Variants in TSHZ2 observed in about 807,000 individuals in gnomAD.
TSHZ2 encodes the protein teashirt zinc finger homeobox 2, also known as teashirt homolog 2.
In TSHZ2, 21 loss-of-function variants were observed where a neutral mutation model predicts 74.4. The observed-to-expected ratio is 0.28, with a 90% CI of 0.20 to 0.41. The LOEUF (loss-of-function observed/expected upper bound fraction) is 0.41. Ranked by LOEUF, TSHZ2 falls within the 10% of genes least tolerant of loss-of-function variation. TSHZ2 has a pLI of 1.00. For synonymous variants in TSHZ2, 540 were observed against 515.3 expected (o/e 1.05, Z -0.65); for missense variants, 1,244 against 1,293.5 (o/e 0.96, Z 0.59).
chr20:53,408,623 G>A (rs1982932322), intron 2 of TSHZ2, among the ~76,000 whole-genome samples: 1 of 129,502 alleles, frequency 7.7e-6, no homozygotes, highest in Non-Finnish European at 1.5e-5. Flanking sequence ...ACAGTTGGGA[G>A]GAAAGGGGCC....
At chr20:53,087,451 G>A (rs1181694135) in intron 1 of TSHZ2, among the ~76,000 whole-genome samples, 3 of 152,060 alleles carry the variant, frequency 2.0e-5, no homozygotes, top group Non-Finnish European at 2.9e-5. Context: ...TCTGACAGTC[G>A]GCTCATGAGA....
At chr20:53,468,101 G>A (rs1407460454) in intron 2 of TSHZ2, among the ~76,000 whole-genome samples, 1 of 152,146 alleles carries the variant, frequency 6.6e-6, no homozygotes, top group East Asian at 1.9e-4. Context: ...TCCAAGCTTT[G>A]TCAAAGCATC....
At position 53,255,486 on chromosome 20, in the gene TSHZ2, G is replaced by T. The variant is rs544437455; in HGVS notation, c.2028G>T (p.Leu676=). The part of the protein sequence containing the change: ...KPQPLEPTSA[L]SNGCALANHA... ...AGCCCCTGGAGCCCACATCTGCTCT[G>T]AGCAATGGGTGCGCCCTCGCCAACC... is the stretch of plus-strand genomic sequence containing the variant. The change falls in exon 2 of 3, where the codon CTG becomes CTT. Residue 676 remains leucine, a synonymous_variant. Coordinates refer to ENST00000371497, the MANE Select transcript of TSHZ2 (RefSeq NM_173485.6). The surrounding 1 kb of genome is among the most constrained non-coding windows in gnomAD (Gnocchi z 4.1). 3 of 1,603,090 alleles carry T rather than the reference G, an allele frequency of 1.9e-6. No homozygotes were observed. In the East Asian group the frequency reaches 6.7e-5, roughly 36 times the overall value.
chr20:53,210,372 T>C (rs562791747), intron 1 of TSHZ2, among the ~76,000 whole-genome samples: 1 of 152,016 alleles, frequency 6.6e-6, no homozygotes, highest in Non-Finnish European at 1.5e-5. Context: ...GAATGAGGGA[T>C]TTTATCGAGC....
intron 1 of TSHZ2, among the ~76,000 whole-genome samples, chr20:53,026,702 T>C (rs1197310417): frequency 3.3e-5 from 5 of 152,236 alleles, no homozygotes; most frequent in Non-Finnish European, 7.3e-5. Context: ...TTTGTCTTTC[T>C]GTACATTTAA....
At chr20:53,267,532 C>T (rs114124470) in intron 2 of TSHZ2, among the ~76,000 whole-genome samples, 1,630 of 152,312 alleles carry the variant, frequency 0.011, 44 homozygotes, top group African/African-American at 0.038. Flanking sequence ...TGAAAAGCCC[C>T]AGCCTCACAG....
At chr20:52,978,976 C>T (rs1052421125) in intron 1 of TSHZ2, among the ~76,000 whole-genome samples, 4 of 151,624 alleles carry the variant, frequency 2.6e-5, no homozygotes, top group African/African-American at 9.7e-5. Context: ...TTAAGTTTTA[C>T]AAGTTCTATT....
chr20:53,104,984 G>T (rs910059159), intron 1 of TSHZ2, among the ~76,000 whole-genome samples: 2 of 152,160 alleles, frequency 1.3e-5, no homozygotes, highest in African/African-American at 4.8e-5. Context: ...CTATTAAATG[G>T]AGGTTAATTA....
rs916140711 is a variant in TSHZ2 at position 52,981,263 on chromosome 20, A to G, written c.40+7930A>G. On this transcript the variant is annotated intron_variant, in intron 1 of 2. Transcript: ENST00000371497. ...AGCCCCGGGCAAGCTCTAGAGATAA[A>G]CCTTACTCTCCGGGTAAGAATGTGA... is the stretch of plus-strand genomic sequence containing the variant. 9.2e-5 allele frequency among the ~76,000 whole-genome samples: 14 copies of G among 152,180 alleles called. 1 individual carries two copies. The highest frequency in any genetic ancestry group is 3.4e-4 in the African/African-American group (14 of 41,490).
At chr20:53,091,632 C>T (rs1472994106) in intron 1 of TSHZ2, among the ~76,000 whole-genome samples, 4 of 152,150 alleles carry the variant, frequency 2.6e-5, no homozygotes, top group African/African-American at 4.8e-5. Flanking sequence ...AAAAGTATCA[C>T]GACTTCCTGT....
chr20:53,116,789 C>T (rs1274077895), intron 1 of TSHZ2, among the ~76,000 whole-genome samples: 8 of 152,090 alleles, frequency 5.3e-5, no homozygotes, highest in Admixed American at 2.6e-4. Context: ...ATTCTGCCAA[C>T]GAGAAGGTCA....
At chr20:53,258,255 C>T (rs1395883251) in intron 2 of TSHZ2, among the ~76,000 whole-genome samples, 1 of 152,174 alleles carries the variant, frequency 6.6e-6, no homozygotes, top group Non-Finnish European at 1.5e-5. Flanking sequence ...AGCCAAAATG[C>T]ATCCATTGAA....
intron 2 of TSHZ2, among the ~76,000 whole-genome samples, chr20:53,343,364 C>G (rs1420676956): frequency 6.6e-6 from 1 of 152,200 alleles, no homozygotes; most frequent in Non-Finnish European, 1.5e-5. Flanking sequence ...CTTTCCGGAA[C>G]AAACACGGTA....
intron 1 of TSHZ2, among the ~76,000 whole-genome samples, chr20:53,203,870 T>G (rs1459412768): frequency 1.3e-5 from 2 of 151,994 alleles, no homozygotes; most frequent in Non-Finnish European, 2.9e-5. Context: ...CCTGCAATGT[T>G]CAAGCGGTAT....
At chr20:53,423,186 G>A (rs1273103494) in intron 2 of TSHZ2, among the ~76,000 whole-genome samples, 2 of 152,136 alleles carry the variant, frequency 1.3e-5, no homozygotes, top group African/African-American at 4.8e-5. Context: ...ATATCTTGAG[G>A]TCAGGAGTTT....
intron 1 of TSHZ2, among the ~76,000 whole-genome samples, chr20:53,045,700 T>C (rs778385491): frequency 6.6e-6 from 1 of 152,224 alleles, no homozygotes; most frequent in Non-Finnish European, 1.5e-5. Context: ...ACCACCCTTA[T>C]GGCTGAGTGG....
At chr20:53,127,081 C>G (rs1195131039) in intron 1 of TSHZ2, among the ~76,000 whole-genome samples, 4 of 151,978 alleles carry the variant, frequency 2.6e-5, no homozygotes, top group African/African-American at 9.7e-5. Flanking sequence ...GAAGAGAGAG[C>G]GAATGAATTA....
chr20:53,469,437 G>A (rs1191636491), intron 2 of TSHZ2, among the ~76,000 whole-genome samples: 2 of 152,032 alleles, frequency 1.3e-5, no homozygotes, highest in East Asian at 3.9e-4. Flanking sequence ...CCAGCTACTT[G>A]GGAGGCTGAG....
intron 2 of TSHZ2, chr20:53,397,642 T>C (rs944787599): frequency 6.6e-5 from 10 of 152,188 alleles, no homozygotes; most frequent in African/African-American, 2.4e-4. Flanking sequence ...ACCCAAAGGA[T>C]TATAAATCAT....
Sources: allele counts gnomAD v4.1 joint callset (sites outside exome capture counted in the v4.1 genomes callset), GRCh38; gene constraint gnomAD v4.1.1; non-coding constraint Gnocchi (gnomAD v3.1); transcripts MANE v1.5; gene names NCBI Gene and HGNC (gene_info 2026-07-23, HGNC 2026-07-21).